Variants in SLC13A3 observed in about 807,000 individuals in gnomAD.
SLC13A3 encodes the protein Na(+)/dicarboxylate cotransporter 3.
A neutral mutation model predicts 59.0 loss-of-function variants in SLC13A3; 40 were observed. That is an observed-to-expected ratio of 0.68 (90% CI 0.53 to 0.88). The LOEUF is 0.88. Among genes scored for constraint, SLC13A3 ranks in the 40% least tolerant of loss-of-function variants. The pLI, the probability that SLC13A3 is intolerant of heterozygous loss-of-function variation, is 0.00. For missense variants in SLC13A3, 699 were observed against 783.2 expected (o/e 0.89, Z 1.28); for synonymous variants, 317 against 330.3 (o/e 0.96, Z 0.44).
At chr20:46,563,671 A>G (rs2061954292) in intron 11 of SLC13A3, 120 bp from the exon 12 acceptor site, 1 of 1,076,494 alleles carries the variant, frequency 9.3e-7, no homozygotes, top group Non-Finnish European at 1.3e-6. Flanking sequence ...AGAGACAGAG[A>G]GACAAAGACA....
chr20:46,609,737 C>T (rs2062473329), intron 3 of SLC13A3, among the ~76,000 whole-genome samples: 1 of 152,162 alleles, frequency 6.6e-6, no homozygotes, highest in Non-Finnish European at 1.5e-5. Flanking sequence ...GAGCATAATG[C>T]TCAATGGCAT....
At chr20:46,615,074 T>G (rs148328196) in intron 1 of SLC13A3, among the ~76,000 whole-genome samples, 3 of 152,306 alleles carry the variant, frequency 2.0e-5, no homozygotes, top group Admixed American at 6.5e-5. Context: ...GACAATGACT[T>G]CACATCTGAT....
At chr20:46,641,541 A>G (rs2062846247) in intron 1 of SLC13A3, among the ~76,000 whole-genome samples, 1 of 152,170 alleles carries the variant, frequency 6.6e-6, no homozygotes. Context: ...AGGAGGTACC[A>G]TTGGAGCCAA....
chr20:46,595,418 C>T (rs965568295), intron 5 of SLC13A3, among the ~76,000 whole-genome samples: 2 of 152,134 alleles, frequency 1.3e-5, no homozygotes, highest in Non-Finnish European at 2.9e-5. Flanking sequence ...TGACCGGCCA[C>T]CCAGTCACTG....
At position 46,566,978 on chromosome 20, in the gene SLC13A3, C is replaced by T. The variant is rs145257943; in HGVS notation, c.1333-588G>A. On this transcript the variant is annotated intron_variant, in intron 10 of 12. Transcript: ENST00000279027. ...CAGCACTTTGGGAGGCTGAGGTAGG[C>T]GGATCACTTGAGGTCAGGAGTTCGA... Among the ~76,000 whole-genome samples the T allele has an allele frequency of 2.6e-3, 401 of 151,994 alleles. 5 individuals are homozygous for T. In the East Asian group the frequency reaches 0.043, roughly 16 times the overall value.
chr20:46,635,139 T>C (rs948252379), intron 1 of SLC13A3, among the ~76,000 whole-genome samples: 1 of 152,208 alleles, frequency 6.6e-6, no homozygotes, highest in African/African-American at 2.4e-5. Flanking sequence ...ACTTGCTGTT[T>C]CTTGGACACT....
chr20:46,585,361 A>G (rs2062180133), intron 8 of SLC13A3: 2 of 1,002,482 alleles, frequency 2.0e-6, no homozygotes, highest in Non-Finnish European at 1.2e-6. Flanking sequence ...TCCTTTTTCA[A>G]TTCAGCATTG....
chr20:46,609,221 G>A (rs2062467437), intron 3 of SLC13A3, among the ~76,000 whole-genome samples: 1 of 152,184 alleles, frequency 6.6e-6, no homozygotes, highest in Non-Finnish European at 1.5e-5. Flanking sequence ...AAGACCAGGG[G>A]AACCAGAGTT....
chr20:46,677,725 C>T (rs2063134569), intron 1 of SLC13A3, among the ~76,000 whole-genome samples: 1 of 152,134 alleles, frequency 6.6e-6, no homozygotes. Flanking sequence ...AGGAGTAAGA[C>T]ATATCTCACT....
intron 1 of SLC13A3, among the ~76,000 whole-genome samples, chr20:46,623,496 G>C (rs2062636981): frequency 6.6e-6 from 1 of 152,076 alleles, no homozygotes; most frequent in Non-Finnish European, 1.5e-5. Flanking sequence ...CTCCCAAGTA[G>C]CTGGGATGAC....
chr20:46,593,753 T>C (rs956297892), intron 5 of SLC13A3, among the ~76,000 whole-genome samples: 2 of 152,130 alleles, frequency 1.3e-5, no homozygotes, highest in African/African-American at 4.8e-5. Flanking sequence ...CACTAAAAAT[T>C]ATGTTTTCTA....
intron 1 of SLC13A3, among the ~76,000 whole-genome samples, chr20:46,664,951 G>A (rs1467177008): frequency 2.0e-5 from 3 of 152,180 alleles, no homozygotes; most frequent in African/African-American, 7.2e-5. Context: ...CTCAAAGTAG[G>A]ATCCTGAAAG....
At chr20:46,662,356 T>C (rs2063035928) in intron 1 of SLC13A3, among the ~76,000 whole-genome samples, 1 of 152,170 alleles carries the variant, frequency 6.6e-6, no homozygotes, top group Non-Finnish European at 1.5e-5. Flanking sequence ...AACAAAAACA[T>C]GTTTCTAATA....
chr20:46,683,229 GC>G (rs2063162066), intron 1 of SLC13A3, among the ~76,000 whole-genome samples: 1 of 152,154 alleles, frequency 6.6e-6, no homozygotes, highest in South Asian at 2.1e-4. Context: ...CAAAAAAGCA[GC>G]CCCAGAAATC....
chr20:46,568,046 A>C (rs1192317393), intron 10 of SLC13A3, among the ~76,000 whole-genome samples: 1 of 152,172 alleles, frequency 6.6e-6, no homozygotes, highest in African/African-American at 2.4e-5. Flanking sequence ...TTTTACTTTT[A>C]ATAGAAAAGT....
chr20:46,636,533 G>A (rs1375901091), intron 1 of SLC13A3, among the ~76,000 whole-genome samples: 1 of 152,222 alleles, frequency 6.6e-6, no homozygotes, highest in Non-Finnish European at 1.5e-5. Flanking sequence ...GGACAAGATG[G>A]ACAAGGTCCC....
intron 1 of SLC13A3, among the ~76,000 whole-genome samples, chr20:46,679,600 C>A (rs991708665): frequency 1.3e-5 from 2 of 148,540 alleles, no homozygotes; most frequent in Non-Finnish European, 3.0e-5. Context: ...GGCGACAGAG[C>A]GAGACTCCGT....
intron 3 of SLC13A3, among the ~76,000 whole-genome samples, chr20:46,604,731 G>A (rs2062419753): frequency 6.6e-6 from 1 of 152,192 alleles, no homozygotes; most frequent in Non-Finnish European, 1.5e-5. Flanking sequence ...CTGGGCCATA[G>A]GGATGAGGGC....
chr20:46,619,163 T>C (rs991976275), intron 1 of SLC13A3, among the ~76,000 whole-genome samples: 1 of 152,160 alleles, frequency 6.6e-6, no homozygotes, highest in African/African-American at 2.4e-5. Flanking sequence ...GTGACATCTT[T>C]CCGAGCTAGG....
Sources: gnomAD v4.1 joint callset for allele counts (sites outside exome capture counted in the v4.1 genomes callset) on GRCh38, gnomAD v4.1.1 for gene constraint, MANE v1.5 for transcripts, NCBI Gene and HGNC (gene_info 2026-07-23, HGNC 2026-07-21) for gene names.